Variants in STAU1 observed in about 807,000 individuals in gnomAD.
STAU1 encodes the protein double-stranded RNA-binding protein Staufen homolog 1.
A neutral mutation model predicts 62.9 loss-of-function variants in STAU1; 13 were observed. The observed-to-expected ratio is 0.21, with a 90% confidence interval of 0.13 to 0.33. STAU1 has a LOEUF of 0.33. Among genes scored for constraint, STAU1 ranks in the 10% least tolerant of loss-of-function variants. The pLI, the probability that STAU1 is intolerant of heterozygous loss-of-function variation, is 1.00. For missense variants in STAU1, 571 were observed against 712.1 expected (o/e 0.80, Z 2.25); for synonymous variants, 269 against 265.1 (o/e 1.01, Z -0.14).
chr20:49,117,860 T>C lies in STAU1; in HGVS notation c.1426A>G (p.Ile476Val). The C allele has an allele frequency of 1.2e-6, 2 of 1,614,084 alleles. No homozygotes were observed. Among genetic ancestry groups the C allele is most frequent in the Non-Finnish European group, 1.7e-6 (2 of 1,180,026 alleles). ...PTAETILKNN[I>V]SSGHVPHGPL... is the part of the protein sequence containing the mutation. ...CCATGGGGTACGTGGCCTGAAGAGA[T>C]GTTATTCTTTAAAATGGTCTCGGCT... The change falls in exon 11 of 14, where the codon ATC becomes GTC. Residue 476 changes from isoleucine to valine, a missense_variant. Coordinates refer to ENST00000371856, the MANE Select transcript of STAU1 (RefSeq NM_017453.4). The surrounding 1 kb of genome is among the most constrained non-coding windows in gnomAD (Gnocchi z 4.6).
At chr20:49,153,710 C>CAAAAAAAAAAAAAAA (rs145558067) in intron 4 of STAU1, among the ~76,000 whole-genome samples, 63 of 67,588 alleles carry the variant, frequency 9.3e-4, no homozygotes, top group Non-Finnish European at 1.2e-3. Flanking sequence ...GACTCTGTCT[C>CAAAAAAAAAAAAAAA]AAAAAAAAAA....
chr20:49,205,718 G>A, the STAU1 span, among the ~76,000 whole-genome samples: 165 of 150,762 alleles, frequency 1.1e-3, no homozygotes, highest in African/African-American at 3.7e-3. Flanking sequence ...TGTTGCCCAG[G>A]CTGGAGTGCA....
chr20:49,151,654 C>G lies in STAU1; in HGVS notation c.438G>C (p.Gln146His), dbSNP rs1200193848. 1 of 1,612,840 alleles carries G rather than the reference C, an allele frequency of 6.2e-7. No homozygotes were observed. The highest frequency in any genetic ancestry group is 8.5e-7 in the Non-Finnish European group (1 of 1,179,556). The change falls in exon 5 of 14, where the codon CAG (glutamine) becomes CAC (histidine). Residue 146 changes from glutamine to histidine, a missense_variant. Gln to His is a conservative substitution (Grantham distance 24). This residue lies in a region of STAU1 where 414 missense variants were observed against 499.6 expected (regional missense o/e 0.83). Coordinates refer to ENST00000371856, the MANE Select transcript of STAU1 (RefSeq NM_017453.4). ...QQFNGKGKTR[Q>H]AAKHDAAAKA... ...TGGCAGCAGCATCGTGTTTCGCAGC[C>G]TGTCTTGTCTTTCCTTTGCCATTAA...
At chr20:49,154,266 C>T (rs932393967) in intron 3 of STAU1, among the ~76,000 whole-genome samples, 195 bp from the exon 4 acceptor site, 1 of 152,066 alleles carries the variant, frequency 6.6e-6, no homozygotes, top group Non-Finnish European at 1.5e-5. Flanking sequence ...TATACACAGT[C>T]GACAGCACAA....
At position 49,118,130 on chromosome 20, in the gene STAU1, C is replaced by T. The variant is rs1020431957; in HGVS notation, c.1190-34G>A. 9 of 1,594,520 alleles carry T rather than the reference C, an allele frequency of 5.6e-6. No homozygotes were observed. The African/African-American group carries it at 6.7e-5, about 12-fold the overall frequency. On this transcript the variant is annotated intron_variant, in intron 10 of 13. Coordinates refer to ENST00000371856, the MANE Select transcript of STAU1 (RefSeq NM_017453.4). ...GACATACACGGTAAACACGAATCCA[C>T]ATCCACAGCCTGGAAAAACGCAATG... is the stretch of plus-strand genomic sequence containing the variant.
intron 8 of STAU1, among the ~76,000 whole-genome samples, chr20:49,121,110 T>TA (rs1219743722): frequency 6.7e-6 from 1 of 148,592 alleles, no homozygotes; most frequent in Non-Finnish European, 1.5e-5. Flanking sequence ...TTAACATAAA[T>TA]AAAAAACATC....
chr20:49,119,652 G>A (rs544586271), intron 9 of STAU1, among the ~76,000 whole-genome samples: 3 of 152,088 alleles, frequency 2.0e-5, no homozygotes, highest in Non-Finnish European at 4.4e-5. Context: ...TTCATTTCTA[G>A]AGTGCAAATC....
chr20:49,200,445 A>G, the STAU1 span, among the ~76,000 whole-genome samples: 77 of 152,226 alleles, frequency 5.1e-4, no homozygotes, highest in Non-Finnish European at 2.4e-4. Flanking sequence ...AAAAATACAA[A>G]AAAAATTTAG....
chr20:49,165,021 T>C (rs761194101), intron 3 of STAU1, among the ~76,000 whole-genome samples: 3 of 152,094 alleles, frequency 2.0e-5, no homozygotes, highest in Non-Finnish European at 4.4e-5. Context: ...GAGCTCTTCG[T>C]CAGTTGTGGG....
chr20:49,162,921 T>G (rs984931508), intron 3 of STAU1, among the ~76,000 whole-genome samples: 6 of 151,990 alleles, frequency 3.9e-5, no homozygotes, highest in Non-Finnish European at 7.4e-5. Flanking sequence ...AGGCTGGATG[T>G]GGTGGCTCAC....
intron 3 of STAU1, among the ~76,000 whole-genome samples, chr20:49,162,267 G>A (rs1029551152): frequency 2.0e-5 from 3 of 152,172 alleles, no homozygotes; most frequent in African/African-American, 7.2e-5. Flanking sequence ...TTGGACACCA[G>A]AATTCATTAG....
At chr20:49,142,856 G>A (rs2093039659) in intron 5 of STAU1, among the ~76,000 whole-genome samples, 1 of 152,100 alleles carries the variant, frequency 6.6e-6, no homozygotes, top group Non-Finnish European at 1.5e-5. Flanking sequence ...CAGCTGCAGT[G>A]CAATGGCATA....
intron 2 of STAU1, among the ~76,000 whole-genome samples, chr20:49,168,686 C>T (rs1665016845): frequency 6.6e-6 from 1 of 152,136 alleles, no homozygotes; most frequent in Non-Finnish European, 1.5e-5. Context: ...AACAGAGCAT[C>T]TAAGGTAGTG....
chr20:49,126,981 G>A (rs2092641905), intron 6 of STAU1, among the ~76,000 whole-genome samples: 1 of 152,100 alleles, frequency 6.6e-6, no homozygotes, highest in South Asian at 2.1e-4. Context: ...TATAACAGGA[G>A]AAAGCCTCAA....
intron 2 of STAU1, among the ~76,000 whole-genome samples, chr20:49,171,352 T>A (rs1227780787): frequency 6.6e-6 from 1 of 152,248 alleles, no homozygotes; most frequent in Non-Finnish European, 1.5e-5. Context: ...TGGAGTGCAG[T>A]GGCACGATCT....
chr20:49,163,419 C>CTTTTTTTTTT (rs200864480), intron 3 of STAU1, among the ~76,000 whole-genome samples: 3 of 82,440 alleles, frequency 3.6e-5, no homozygotes, highest in Non-Finnish European at 6.7e-5. Context: ...GTGTTTAAAC[C>CTTTTTTTTTT]TTTTTTTTTT....
At chr20:49,186,251 C>T (rs762361265) in intron 1 of STAU1, among the ~76,000 whole-genome samples, 71 of 151,408 alleles carry the variant, frequency 4.7e-4, no homozygotes, top group Non-Finnish European at 8.2e-4. Flanking sequence ...GAGGCTGAGA[C>T]GGGAGAATCT....
intron 2 of STAU1, among the ~76,000 whole-genome samples, chr20:49,171,366 C>G (rs1314039447): frequency 6.6e-6 from 1 of 152,234 alleles, no homozygotes; most frequent in Non-Finnish European, 1.5e-5. Context: ...ACGATCTCAG[C>G]TCACTGCAAG....
At chr20:49,195,898 C>CAAAAAAAAAAAAAAAAAAAAAAAAAAA in the STAU1 span, among the ~76,000 whole-genome samples, 1 of 33,880 alleles carries the variant, frequency 3.0e-5, no homozygotes, top group Non-Finnish European at 5.1e-5. Context: ...AACTTCCTCT[C>CAAAAAAAAAAAAAAAAAAAAAAAAAAA]AAAAAAAAAA....
Sources: allele counts gnomAD v4.1 joint callset (sites outside exome capture counted in the v4.1 genomes callset), GRCh38; gene constraint gnomAD v4.1.1; regional missense constraint gnomAD v4.1.1; non-coding constraint Gnocchi (gnomAD v3.1); transcripts MANE v1.5; gene names NCBI Gene and HGNC (gene_info 2026-07-23, HGNC 2026-07-21).